Variants in SLAIN1 observed in about 807,000 individuals in gnomAD.
SLAIN1 encodes SLAIN motif-containing protein 1.
A neutral mutation model predicts 55.4 loss-of-function variants in SLAIN1; 17 were observed. The ratio of observed to expected loss-of-function variants is 0.31; its 90% CI spans 0.21 to 0.46. The LOEUF (loss-of-function observed/expected upper bound fraction) is 0.46. Ranked by LOEUF, SLAIN1 falls within the 20% of genes least tolerant of loss-of-function variation. The probability of loss-of-function intolerance (pLI) is 1.00; values close to 1 mark genes in which losing one functional copy is unlikely to be tolerated. For missense variants in SLAIN1, 682 were observed against 785.1 expected (o/e 0.87, Z 1.57); for synonymous variants, 348 against 337.4 (o/e 1.03, Z -0.35).
Position 77,760,880 on chromosome 13 carries a change from A to G in SLAIN1, c.1467A>G (p.Pro489=), listed in dbSNP as rs200177488. The part of the protein sequence containing the change: ...QHRVHSVGHF[P]VSIRQPLKAT... ...GGGTCCACAGCGTGGGGCATTTCCCAGTGTCTATCCGACAGCCTCTTAAAG... is the reference window on the plus strand; with the variant it reads ...GGGTCCACAGCGTGGGGCATTTCCCGGTGTCTATCCGACAGCCTCTTAAAG... The change falls in exon 6 of 7, where the codon CCA becomes CCG. Residue 489 remains proline (P), a synonymous_variant. Coordinates refer to ENST00000418532, the MANE Select transcript of SLAIN1 (RefSeq NM_001242868.2). 1.7e-5 allele frequency: 28 copies of G among 1,613,988 alleles called. No homozygotes were observed. Among genetic ancestry groups the G allele is most frequent in the Non-Finnish European group, 2.3e-5 (27 of 1,180,018 alleles).
At chr13:77,723,512 AT>A (rs914219759) in intron 2 of SLAIN1, among the ~76,000 whole-genome samples, 4 of 152,136 alleles carry the variant, frequency 2.6e-5, no homozygotes, top group Admixed American at 6.6e-5. Context: ...TTTCACTCTT[AT>A]GCAGGATTGT....
intron 1 of SLAIN1, among the ~76,000 whole-genome samples, chr13:77,701,651 AC>A (rs1566216488): frequency 6.6e-6 from 1 of 152,160 alleles, no homozygotes; most frequent in African/African-American, 2.4e-5. Context: ...TTGCCTTAAT[AC>A]TACCTGATTA....
At chr13:77,704,083 CATATGTTTTATATGTATATAT>C (rs2091063155) in intron 1 of SLAIN1, among the ~76,000 whole-genome samples, 1 of 82,690 alleles carries the variant, frequency 1.2e-5, no homozygotes, top group Non-Finnish European at 2.6e-5. Flanking sequence ...AATATATATA[CATATGTTTTATATGTATATAT>C]ATACATAGAA....
At chr13:77,702,053 T>C (rs1173406479) in intron 1 of SLAIN1, among the ~76,000 whole-genome samples, 1 of 149,638 alleles carries the variant, frequency 6.7e-6, no homozygotes, top group Non-Finnish European at 1.5e-5. Context: ...TTACTGAGAA[T>C]GATGATTTCC....
intron 5 of SLAIN1, among the ~76,000 whole-genome samples, chr13:77,753,622 T>C (rs1040323253): frequency 6.6e-5 from 10 of 152,158 alleles, no homozygotes; most frequent in African/African-American, 2.4e-4. Context: ...CAATTAATAA[T>C]AGTAAATTGT....
intron 4 of SLAIN1, among the ~76,000 whole-genome samples, chr13:77,751,695 G>A (rs568587999): frequency 6.6e-6 from 1 of 152,202 alleles, no homozygotes; most frequent in South Asian, 2.1e-4. Flanking sequence ...CCTGGGCCTT[G>A]AAGCCCTCAT....
chr13:77,703,634 G>A (rs1419342660), intron 1 of SLAIN1, among the ~76,000 whole-genome samples: 2 of 151,916 alleles, frequency 1.3e-5, no homozygotes, highest in Non-Finnish European at 2.9e-5. Context: ...AGCTTAGTAA[G>A]TAACGCTTGA....
At chr13:77,717,763 G>A (rs2091222345) in intron 1 of SLAIN1, among the ~76,000 whole-genome samples, 2 of 152,136 alleles carry the variant, frequency 1.3e-5, no homozygotes, top group Non-Finnish European at 2.9e-5. Flanking sequence ...GGTAATATTA[G>A]CATCACCTGG....
intron 1 of SLAIN1, among the ~76,000 whole-genome samples, chr13:77,707,921 T>C (rs751017757): frequency 2.6e-5 from 4 of 152,150 alleles, no homozygotes; most frequent in Non-Finnish European, 5.9e-5. Context: ...AGAGGGGTGG[T>C]AGGACTGGCT....
intron 4 of SLAIN1, among the ~76,000 whole-genome samples, chr13:77,747,757 T>C (rs536796403): frequency 6.6e-6 from 1 of 152,268 alleles, no homozygotes; most frequent in South Asian, 2.1e-4. Flanking sequence ...GACAGGGTAA[T>C]GGGAAATTGA....
intron 2 of SLAIN1, 22 bp from the exon 3 acceptor site, chr13:77,744,261 A>G: frequency 1.3e-6 from 2 of 1,542,764 alleles, no homozygotes; most frequent in Non-Finnish European, 1.8e-6. Flanking sequence ...ATGGAAGAAC[A>G]CACTTTTCCT....
intron 6 of SLAIN1, 57 bp from the exon 7 acceptor site, chr13:77,763,088 A>T (rs1875177976): frequency 7.0e-7 from 1 of 1,429,994 alleles, no homozygotes; most frequent in African/African-American, 1.4e-5. Flanking sequence ...AAAGTGAGTG[A>T]TGTGACTCAT....
intron 5 of SLAIN1, among the ~76,000 whole-genome samples, chr13:77,758,968 G>A (rs1874809839): frequency 6.6e-6 from 1 of 151,942 alleles, no homozygotes; most frequent in Non-Finnish European, 1.5e-5. Flanking sequence ...CTAGTTCTGT[G>A]AAGAATGATG....
chr13:77,742,983 G>A, intron 2 of SLAIN1: 1 of 1,247,488 alleles, frequency 8.0e-7, no homozygotes, highest in Non-Finnish European at 1.0e-6. Flanking sequence ...CTTCCATATA[G>A]CTAACTGCTG....
At chr13:77,749,648 C>T (rs1874072614) in intron 4 of SLAIN1, among the ~76,000 whole-genome samples, 1 of 152,162 alleles carries the variant, frequency 6.6e-6, no homozygotes, top group South Asian at 2.1e-4. Context: ...GAAGATTAAA[C>T]TGCTGATTTC....
In SLAIN1 at chr13:77,746,799, A is replaced by G. The variant is rs757436244; in HGVS notation, c.1202A>G (p.Gln401Arg). 4 of 1,613,836 alleles carry G rather than the reference A, an allele frequency of 2.5e-6. No homozygotes were observed. The highest frequency in any genetic ancestry group is 3.4e-6 in the Non-Finnish European group (4 of 1,179,814). Residue 401 changes from glutamine (Q) to arginine (R), a missense_variant, in exon 4 of 7, where the codon CAG (glutamine) becomes CGG (arginine). Gln to Arg is a conservative substitution (Grantham distance 43). This residue lies in a region of SLAIN1 where 244 missense variants were observed against 295.2 expected (regional missense o/e 0.83). Transcript: ENST00000418532. ...CCTTCAAATAATTACCAGCAGCAAC[A>G]GTATTATTCACCTCAAGCCCAAACT... ...YFPSNNYQQQ[Q>R]YYSPQAQTPD...
chr13:77,722,288 C>A (rs1236382224), intron 2 of SLAIN1, among the ~76,000 whole-genome samples: 1 of 151,990 alleles, frequency 6.6e-6, no homozygotes, highest in Admixed American at 6.6e-5. Context: ...TTCCAGAGAT[C>A]CATAATCCAT....
intron 1 of SLAIN1, among the ~76,000 whole-genome samples, chr13:77,699,979 C>G (rs571618971): frequency 6.6e-6 from 1 of 152,250 alleles, no homozygotes; most frequent in Non-Finnish European, 1.5e-5. Flanking sequence ...GATTTAGTCC[C>G]TACTTAGCCT....
rs1873860083 is a variant in SLAIN1, at chr13:77,746,868, C to CT, written c.1258+19dup. 3 of 1,579,714 alleles carry CT rather than the reference C, an allele frequency of 1.9e-6. No individual in the cohort carries two copies. The African/African-American group carries it at 4.1e-5, about 22-fold the overall frequency. Reference sequence around the variant, plus strand: ...AGGACCAATGGAGGTAGGTTGTATGCTTTTTTGGTATTTGATATGCTTTAA... The same window carrying CT: ...AGGACCAATGGAGGTAGGTTGTATGCTTTTTTTGGTATTTGATATGCTTTAA... On this transcript the variant is annotated intron_variant, in intron 4 of 6. Coordinates refer to ENST00000418532, the MANE Select transcript of SLAIN1 (RefSeq NM_001242868.2).
Sources: gnomAD v4.1 joint callset for allele counts (sites outside exome capture counted in the v4.1 genomes callset) on GRCh38, gnomAD v4.1.1 for gene constraint, gnomAD v4.1.1 regional missense constraint, MANE v1.5 for transcripts, NCBI Gene and HGNC (gene_info 2026-07-23, HGNC 2026-07-21) for gene names.